ACTR6: variants seen among roughly 807,000 people sequenced by gnomAD.
ACTR6 encodes the protein actin-related protein 6.
A neutral mutation model predicts 52.5 loss-of-function variants in ACTR6; 50 were observed. The observed-to-expected ratio is 0.95, with a 90% CI of 0.76 to 1.20. The LOEUF (loss-of-function observed/expected upper bound fraction) is 1.20. Ranked by LOEUF, ACTR6 falls within the 50% of genes most tolerant of loss-of-function variation. ACTR6 has a pLI of 0.00. For synonymous variants in ACTR6, 135 were observed against 147.2 expected, an observed-to-expected ratio of 0.92 and a Z score of 0.60; for missense variants, 344 against 472.4, an observed-to-expected ratio of 0.73 and a Z score of 2.52.
chr12:100,212,793 C>CAGCCTGCCAACATACTGA (rs1246953153), intron 8 of ACTR6, among the ~76,000 whole-genome samples: 16 of 151,926 alleles, frequency 1.1e-4, no homozygotes, highest in African/African-American at 3.4e-4. Context: ...ATCACTAGGT[C>CAGCCTGCCAACATACTGA]AGGAGTTCAA....
chr12:100,222,264 T>TC (rs2096128949), intron 10 of ACTR6, among the ~76,000 whole-genome samples: 2 of 149,722 alleles, frequency 1.3e-5, no homozygotes, highest in South Asian at 4.3e-4. Flanking sequence ...TGGGTTTTTT[T>TC]TTTTTTTTTT....
intron 8 of ACTR6, among the ~76,000 whole-genome samples, chr12:100,217,692 G>A (rs1445343577): frequency 6.6e-6 from 1 of 152,070 alleles, no homozygotes; most frequent in African/African-American, 2.4e-5. Context: ...TAAGTTCAAG[G>A]ATAAGGACCA....
intron 10 of ACTR6, among the ~76,000 whole-genome samples, chr12:100,222,819 T>C (rs2096129357): frequency 6.6e-6 from 1 of 152,250 alleles, no homozygotes; most frequent in East Asian, 1.9e-4. Context: ...TGGTTGTAGA[T>C]AGCAAAACCA....
chr12:100,207,885 G>C (rs780483813), intron 4 of ACTR6, 99 bp downstream of exon 4: 8 of 1,356,944 alleles, frequency 5.9e-6, no homozygotes, highest in Non-Finnish European at 6.2e-6. Flanking sequence ...TTCTTGGCTA[G>C]CACAGTGGCT....
chr12:100,221,795 TA>T (rs949982329), intron 10 of ACTR6: 4 of 148,764 alleles, frequency 2.7e-5, no homozygotes, highest in Non-Finnish European at 3.0e-5. Context: ...ACCCCGTCTC[TA>T]AAAAAAAAGA....
At chr12:100,202,225 C>T (rs914891405) in intron 1 of ACTR6, among the ~76,000 whole-genome samples, 3 of 152,020 alleles carry the variant, frequency 2.0e-5, no homozygotes, top group African/African-American at 7.3e-5. Context: ...GCCACCGCAC[C>T]GGGCCATGAC....
Position 100,210,116 on chromosome 12 carries a change from C to T in ACTR6, c.423C>T (p.Ser141=), listed in dbSNP as rs142478190. ...SAHRYFRDNP[S]ELCCIIVDSG... is the part of the protein sequence containing the mutation. ...ATAGGTATTTCCGAGATAATCCTTC[C>T]GAATTATGCTGTATCATTGTTGATA... Residue 141 remains serine (S), a synonymous_variant, in exon 5 of 11, where the codon TCC becomes TCT. Coordinates refer to ENST00000188312, the MANE Select transcript of ACTR6 (RefSeq NM_022496.5). The T allele has an allele frequency of 3.8e-4, 617 of 1,608,190 alleles. No homozygotes were observed. In the African/African-American group the frequency reaches 7.4e-3, roughly 19 times the overall value.
chr12:100,223,653 G>T, intron 10 of ACTR6, 133 bp from the exon 11 acceptor site: 1 of 1,057,428 alleles, frequency 9.5e-7, no homozygotes, highest in Non-Finnish European at 1.4e-6. Flanking sequence ...CTGTTGGGTT[G>T]GGTAGAGCTT....
intron 2 of ACTR6, 74 bp downstream of exon 2, chr12:100,205,131 A>T (rs2096113411): frequency 5.3e-6 from 5 of 945,212 alleles, no homozygotes; most frequent in Non-Finnish European, 7.7e-6. Context: ...TGTATATAAA[A>T]GGCTGTGTGT....
At position 100,218,416 on chromosome 12, in the gene ACTR6, C is replaced by T. The variant is rs770044278; in HGVS notation, c.752C>T (p.Pro251Leu). 2 of 1,604,942 alleles carry T rather than the reference C, an allele frequency of 1.2e-6. No homozygotes were observed. The highest frequency in any genetic ancestry group is 2.2e-5 in the South Asian group (2 of 89,922). Reference sequence around the variant, plus strand: ...CTTTTAATCTTCTTTGTCTTTAAGCCAAGGGAAGAGATGGTGTTGAGTGGA... The same window carrying T: ...CTTTTAATCTTCTTTGTCTTTAAGCTAAGGGAAGAGATGGTGTTGAGTGGA... ...FSTIKKGFCK[P>L]REEMVLSGKY... Residue 251 changes from proline to leucine, a missense_variant and splice_region_variant, in exon 9 of 11, where the codon CCA becomes CTA. Physicochemically the swap from Pro to Leu is moderately conservative, Grantham distance 98. Transcript: ENST00000188312. This position sits in a 1 kb window ranked among gnomAD's most constrained non-coding sequence, Gnocchi z 4.2.
At chr12:100,204,639 A>G (rs953576644) in intron 1 of ACTR6, among the ~76,000 whole-genome samples, 2 of 152,178 alleles carry the variant, frequency 1.3e-5, no homozygotes, top group African/African-American at 4.8e-5. Context: ...TGCTGGGATT[A>G]CAGGCGTGAG....
At chr12:100,222,443 A>C (rs1038396119) in intron 10 of ACTR6, among the ~76,000 whole-genome samples, 2 of 151,850 alleles carry the variant, frequency 1.3e-5, no homozygotes, top group Non-Finnish European at 2.9e-5. Context: ...TTTTTGGTAG[A>C]GATGGGATCT....
chr12:100,215,942 G>A (rs1323346768), intron 8 of ACTR6, among the ~76,000 whole-genome samples: 2 of 152,020 alleles, frequency 1.3e-5, no homozygotes, highest in Non-Finnish European at 2.9e-5. Flanking sequence ...TAGCACTAAT[G>A]GTAGTAACAA....
chr12:100,223,029 AT>A (rs1260256116), intron 10 of ACTR6, among the ~76,000 whole-genome samples: 4 of 152,128 alleles, frequency 2.6e-5, no homozygotes, highest in African/African-American at 9.7e-5. Flanking sequence ...TCTGAGCCTC[AT>A]TTTTCAAATC....
At chr12:100,201,772 C>G (rs947972487) in intron 1 of ACTR6, among the ~76,000 whole-genome samples, 2 of 152,154 alleles carry the variant, frequency 1.3e-5, no homozygotes, top group African/African-American at 4.8e-5. Flanking sequence ...TAGGCGTGCA[C>G]CACCACTCCC....
rs1472793115 is a variant in ACTR6, at chr12:100,218,264, C to G, written c.751-151C>G. 4 of 436,686 alleles carry G rather than the reference C, an allele frequency of 9.2e-6. No homozygotes were observed. The highest frequency in any genetic ancestry group is 1.1e-5 in the Non-Finnish European group (3 of 284,786). 27.1% of individuals were successfully genotyped at this position (436,686 alleles called of 1,614,324 possible). ...TTTGGCAACAGTAAAGGCAGCCACA[C>G]ATTCTTCTAAATTTTGAGAATCCTG... On this transcript the variant is annotated intron_variant, in intron 8 of 10. Transcript: ENST00000188312. The surrounding 1 kb of genome is among the most constrained non-coding windows in gnomAD (Gnocchi z 4.2).
intron 6 of ACTR6, 150 bp from the exon 7 acceptor site, chr12:100,212,106 C>G: frequency 5.2e-6 from 3 of 579,132 alleles, no homozygotes; most frequent in Non-Finnish European, 9.0e-6. Context: ...TGACAGTATT[C>G]CATAAAGTTA....
chr12:100,217,572 A>G (rs1434368659), intron 8 of ACTR6, among the ~76,000 whole-genome samples: 6 of 152,236 alleles, frequency 3.9e-5, no homozygotes, highest in Non-Finnish European at 7.3e-5. Context: ...CCTCAGCACT[A>G]CAGCTCACAG....
chr12:100,207,615 AATT>A (rs779349483), intron 3 of ACTR6, 45 bp from the exon 4 acceptor site: 1 of 1,362,356 alleles, frequency 7.3e-7, no homozygotes, highest in South Asian at 1.5e-5. Context: ...AACAAGTGTT[AATT>A]ATCATTACAA....
Sources: gnomAD v4.1 joint callset for allele counts (sites outside exome capture counted in the v4.1 genomes callset) on GRCh38, gnomAD v4.1.1 for gene constraint, Gnocchi (gnomAD v3.1) non-coding constraint, MANE v1.5 for transcripts, NCBI Gene and HGNC (gene_info 2026-07-23, HGNC 2026-07-21) for gene names.